The following FDFT1 variants were observed in gnomAD, a reference collection of about 807,000 sequenced individuals.
The protein encoded by FDFT1 is squalene synthase.
Under a neutral mutation model 46.8 loss-of-function variants are expected in FDFT1, and 68 were observed. The ratio of observed to expected loss-of-function variants is 1.45; its 90% CI spans 1.19 to 1.78. FDFT1 has a LOEUF of 1.78. Ranked by LOEUF, FDFT1 falls within the 40% of genes most tolerant of loss-of-function variation. FDFT1 has a pLI of 0.00. For missense variants in FDFT1, 928 were observed against 524.4 expected (o/e 1.77, Z -7.52); for synonymous variants, 351 against 185.1 (o/e 1.90, Z -7.28).
At chr8:11,802,592 A>G (rs1160882105), upstream of FDFT1, 2 of 619,420 alleles carry the variant, frequency 3.2e-6, no homozygotes, top group African/African-American at 1.8e-5. Context: ...GGGTCTTCCT[A>G]GTGTGAGCGG....
intron 5 of FDFT1, among the ~76,000 whole-genome samples, chr8:11,827,027 A>T (rs1284043749): frequency 6.6e-6 from 1 of 152,220 alleles, no homozygotes; most frequent in East Asian, 1.9e-4. Context: ...GTCGATCTTT[A>T]ATTAAAACAT....
chr8:11,821,625 C>G, intron 3 of FDFT1, 125 bp from the exon 4 acceptor site: 3 of 1,146,846 alleles, frequency 2.6e-6, no homozygotes, highest in Non-Finnish European at 3.8e-6. Context: ...AATGTGTGAC[C>G]TAAATTAGGC....
chr8:11,822,296 A>T (rs1809362461), intron 4 of FDFT1, among the ~76,000 whole-genome samples: 1 of 152,092 alleles, frequency 6.6e-6, no homozygotes, highest in Non-Finnish European at 1.5e-5. Flanking sequence ...AGGCAGAGAC[A>T]TTTCAGACAT....
Position 11,826,361 on chromosome 8 carries a change from A to T in FDFT1, c.702+146A>T, listed in dbSNP as rs1585969245. The T allele has an allele frequency of 5.6e-6, 3 of 533,088 alleles. No homozygotes were observed. The East Asian group carries it at 8.8e-5, about 16-fold the overall frequency. The allele number at this position is 533,088 out of a possible 1,614,324, so 33.0% of individuals were successfully genotyped here. On this transcript the variant is annotated intron_variant, in intron 5 of 7. Transcript: ENST00000220584. The stretch of plus-strand genomic sequence containing the variant: ...GATGTGGAAAATAGGATAGCTTGAC[A>T]TGAGTTTGCTTCAGGTAGACTGGCT...
intron 7 of FDFT1, among the ~76,000 whole-genome samples, chr8:11,832,560 A>AAAAAAAAAAAAAAAAAC (rs1810957202): frequency 6.8e-6 from 1 of 146,932 alleles, no homozygotes; most frequent in Non-Finnish European, 1.5e-5. Context: ...TCAAAAAAAA[A>AAAAAAAAAAAAAAAAAC]AAAAAAAAAA....
At chr8:11,829,972 T>A (rs889054586) in intron 5 of FDFT1, among the ~76,000 whole-genome samples, 1 of 152,144 alleles carries the variant, frequency 6.6e-6, no homozygotes, top group South Asian at 2.1e-4. Flanking sequence ...CTCACCCTCC[T>A]GAGTAGCTGG....
At chr8:11,827,447 G>T (rs184562960) in intron 5 of FDFT1, among the ~76,000 whole-genome samples, 1,984 of 152,012 alleles carry the variant, frequency 0.013, 47 homozygotes, top group African/African-American at 0.045. Flanking sequence ...GAGCGCAGGA[G>T]CTCAAGGTTG....
chr8:11,805,662 A>T (rs61217225), intron 1 of FDFT1, among the ~76,000 whole-genome samples: 36,902 of 151,612 alleles, frequency 0.24, 6,722 homozygotes, highest in African/African-American at 0.51. Context: ...GAATTTTTTG[A>T]GTGTTTGGCT....
rs775060249 is a variant in FDFT1 at position 11,826,128 on chromosome 8, C to G, written c.615C>G (p.Asn205Lys). The stretch of plus-strand genomic sequence containing the variant: ...TTGGTGAAGATACAGAACGTGCCAA[C>G]TCTATGGGCCTGTTTTTGCAGAAAA... The part of the protein sequence containing the change: ...PLVGEDTERA[N>K]SMGLFLQKTN... Residue 205 changes from asparagine (N) to lysine (K), a missense_variant, in exon 5 of 8, where the codon AAC becomes AAG. Transcript: ENST00000220584. 1.1e-5 allele frequency: 17 copies of G among 1,609,110 alleles called. No homozygotes were observed. The African/African-American group carries it at 1.2e-4, about 11-fold the overall frequency.
chr8:11,837,447 G>T (rs1188345693), intron 7 of FDFT1, among the ~76,000 whole-genome samples: 3 of 152,166 alleles, frequency 2.0e-5, no homozygotes, highest in African/African-American at 7.2e-5. Flanking sequence ...GTCCAGGCTG[G>T]TCTTAAACGC....
intron 3 of FDFT1, among the ~76,000 whole-genome samples, chr8:11,819,256 C>A (rs1389800305): frequency 6.6e-6 from 1 of 152,174 alleles, no homozygotes; most frequent in Non-Finnish European, 1.5e-5. Context: ...GGTAACCCGA[C>A]CTTTCTCTCT....
At chr8:11,797,751 G>C (rs989350712), upstream of FDFT1, among the ~76,000 whole-genome samples, 2 of 152,106 alleles carry the variant, frequency 1.3e-5, no homozygotes, top group African/African-American at 4.8e-5. Context: ...GATTCCACCT[G>C]AGCTGTAATG....
intron 1 of FDFT1, 67 bp from the exon 2 acceptor site, chr8:11,808,722 TCCCAC>T (rs2130716709): frequency 7.8e-6 from 12 of 1,546,848 alleles, no homozygotes; most frequent in South Asian, 2.3e-5. Context: ...CCACTCCCAC[TCCCAC>T]TCCCACTCCC....
rs1811956473 is a variant in FDFT1, at chr8:11,838,962, A to G, written c.*353A>G. On this transcript the variant is annotated 3_prime_UTR_variant, in exon 8 of 8. Transcript: ENST00000220584. ...TGATAATTAAAAGTATTTAATTTGAAGCACCATTTGAATGTTCGTAATAGT... is the reference window on the plus strand; with the variant it reads ...TGATAATTAAAAGTATTTAATTTGAGGCACCATTTGAATGTTCGTAATAGT... 4.6e-6 allele frequency: 1 copy of G among 219,712 alleles called. No individual in the cohort carries two copies. Among genetic ancestry groups the G allele is most frequent in the Admixed American group, 5.2e-5 (1 of 19,276 alleles). The allele number at this position is 219,712 out of a possible 1,614,324, so 13.6% of individuals were successfully genotyped here.
At chr8:11,813,147 A>G (rs760622647) in intron 3 of FDFT1, among the ~76,000 whole-genome samples, 1 of 152,218 alleles carries the variant, frequency 6.6e-6, no homozygotes, top group Non-Finnish European at 1.5e-5. Context: ...TAGTAAAAAC[A>G]GGGTGTTACA....
At chr8:11,818,600 C>T (rs1035400741) in intron 3 of FDFT1, among the ~76,000 whole-genome samples, 1 of 152,122 alleles carries the variant, frequency 6.6e-6, no homozygotes, top group African/African-American at 2.4e-5. Context: ...GAATTGATCC[C>T]TTTACCATTA....
chr8:11,816,231 C>T (rs1035225225), intron 3 of FDFT1, among the ~76,000 whole-genome samples: 1 of 152,274 alleles, frequency 6.6e-6, no homozygotes, highest in African/African-American at 2.4e-5. Context: ...GTGTACATAT[C>T]TGTTTTGGTA....
intron 1 of FDFT1, among the ~76,000 whole-genome samples, chr8:11,806,499 G>A (rs1806854558): frequency 6.6e-6 from 1 of 152,168 alleles, no homozygotes; most frequent in Non-Finnish European, 1.5e-5. Context: ...AAGTGGCTTG[G>A]CTTGCTCTCT....
At chr8:11,816,559 A>G (rs1452753048) in intron 3 of FDFT1, among the ~76,000 whole-genome samples, 2 of 152,078 alleles carry the variant, frequency 1.3e-5, no homozygotes, top group Admixed American at 6.5e-5. Context: ...AGTGGTTTGT[A>G]GTTCTCTTTG....
Sources: gnomAD v4.1 joint callset for allele counts (sites outside exome capture counted in the v4.1 genomes callset) on GRCh38, gnomAD v4.1.1 for gene constraint, MANE v1.5 for transcripts, NCBI Gene and HGNC (gene_info 2026-07-23, HGNC 2026-07-21) for gene names.